MSH6: variants seen among roughly 807,000 people sequenced by gnomAD.
MSH6 encodes the protein mutS homolog 6.
In MSH6, 85 loss-of-function variants were observed where a neutral mutation model predicts 119.1. The ratio of observed to expected loss-of-function variants is 0.71; its 90% CI spans 0.60 to 0.85. The LOEUF (loss-of-function observed/expected upper bound fraction) is 0.85, where lower values mean the gene tolerates loss of function less well. MSH6 is among the 40% of genes least tolerant of loss of function. The pLI is 0.00. For missense variants in MSH6, 2,163 were observed against 1,655.3 expected, an observed-to-expected ratio of 1.31 and a Z score of -5.32; for synonymous variants, 830 against 586.9, an observed-to-expected ratio of 1.41 and a Z score of -5.99.
rs1669315424 is a variant in MSH6 at position 47,799,266 on chromosome 2, A to G, written c.1283A>G (p.Lys428Arg). ...AACTTTGATCTTGTCATCTGTTACA[A>G]GGTGGGGAAATTTTATGAGCTGTAC... ...SQNFDLVICY[K>R]VGKFYELYHM... The change falls in exon 4 of 10, where the codon AAG becomes AGG. Residue 428 changes from lysine to arginine, a missense_variant. Lys to Arg is a conservative substitution (Grantham distance 26, BLOSUM62 2). Transcript: ENST00000234420. The G allele has an allele frequency of 6.2e-7, 1 of 1,613,978 alleles. No homozygotes were observed.
intron 3 of MSH6, 63 bp downstream of exon 3, chr2:47,796,126 G>T (rs2104243663): frequency 6.4e-7 from 1 of 1,553,452 alleles, no homozygotes; most frequent in Non-Finnish European, 8.9e-7. Context: ...AAAGGGGGAG[G>T]GTGTATTAAC....
rs1469961964 is a variant in MSH6 at position 47,806,272 on chromosome 2, A to G, written c.3715A>G (p.Ile1239Val). ...AGTTGTTAAAGAACTTGCTGAGACTATAAAATGTCGTACATTATTTTCAAC... is the reference window on the plus strand; with the variant it reads ...AGTTGTTAAAGAACTTGCTGAGACTGTAAAATGTCGTACATTATTTTCAAC... ...NAVVKELAETIKCRTLFSTHY... is the reference protein window; with the variant it reads ...NAVVKELAETVKCRTLFSTHY... The change falls in exon 8 of 10, where the codon ATA becomes GTA. Residue 1239 changes from isoleucine (I) to valine (V), a missense_variant. Transcript: ENST00000234420. 1.9e-6 allele frequency: 3 copies of G among 1,614,112 alleles called. No homozygotes were observed. Among genetic ancestry groups the G allele is most frequent in the South Asian group, 2.2e-5 (2 of 91,084 alleles).
chr2:47,784,585 C>T (rs1668232233), intron 1 of MSH6: 1 of 152,120 alleles, frequency 6.6e-6, no homozygotes. Flanking sequence ...GCTTCAGCCT[C>T]CCGAGTAGTC....
Position 47,806,859 on chromosome 2 carries a change from A to AGACT in MSH6, c.*4_*7dup, listed in dbSNP as rs765313977. Reference sequence around the variant, plus strand: ...TTGCTGACTTTGATTAAGGAATTATAGACTGACTACATTGGAAGCTTTGAG... The same window carrying AGACT: ...TTGCTGACTTTGATTAAGGAATTATAGACTGACTGACTACATTGGAAGCTTTGAG... On this transcript the variant is annotated frameshift_variant and stop_retained_variant, in exon 10 of 10. Transcript: ENST00000234420. LOFTEE classifies it high-confidence loss of function. 2.6e-5 allele frequency: 42 copies of AGACT among 1,607,698 alleles called. 1 individual carries two copies. Among genetic ancestry groups the AGACT allele is most frequent in the South Asian group, 2.0e-4 (18 of 90,914 alleles).
Position 47,783,190 on chromosome 2 carries a change from G to C in MSH6, c.-44G>C. ...CCGCGCGGTAGATGCGGTGCTTTTA[G>C]GAGCTCCGTCCGACAGAACGGTTGG... On this transcript the variant is annotated 5_prime_UTR_variant, in exon 1 of 10. An upstream open reading frame in the 5' UTR loses its in-frame stop. Transcript: ENST00000234420. The C allele has an allele frequency of 6.2e-7, 1 of 1,607,804 alleles. No homozygotes were observed. Among genetic ancestry groups the C allele is most frequent in the South Asian group, 1.1e-5 (1 of 90,326 alleles).
rs761277966 is a variant in MSH6 at position 47,801,139 on chromosome 2, G to A, written c.3156G>A (p.Glu1052=). Residue 1052 remains glutamate, a synonymous_variant, in exon 4 of 10, where the codon GAG becomes GAA. Coordinates refer to ENST00000234420, the MANE Select transcript of MSH6 (RefSeq NM_000179.3). ...KNYKDWQSAV[E]CIAVLDVLLC... ...ACAAGGACTGGCAGTCTGCTGTAGA[G>A]TGTATCGCAGTGTTGGGTAAGACTT... 7 of 1,610,690 alleles carry A rather than the reference G, an allele frequency of 4.3e-6. No individual in the cohort carries two copies. The Admixed American group carries it at 5.0e-5, about 12-fold the overall frequency.
downstream of MSH6, chr2:47,809,221 C>A (rs766070642): frequency 6.2e-7 from 1 of 1,607,004 alleles, no homozygotes; most frequent in East Asian, 2.2e-5. Flanking sequence ...TTGGCCTCTA[C>A]TAACAGCCTT....
downstream of MSH6, chr2:47,807,847 G>T (rs1670330839): frequency 1.9e-5 from 6 of 315,894 alleles, no homozygotes; most frequent in Non-Finnish European, 3.5e-5. Context: ...TCAGAAGTTG[G>T]TATCTGTACA....
In MSH6 at chr2:47,787,801, G is replaced by C. The variant is rs1017970004; in HGVS notation, c.261-3126G>C. Among the ~76,000 whole-genome samples the C allele has an allele frequency of 1.4e-4, 21 of 152,114 alleles. 1 individual carries two copies. The highest frequency in any genetic ancestry group is 4.8e-4 in the African/African-American group (20 of 41,474). Reference sequence around the variant, plus strand: ...GCCTGGCTAATTTTTAAATTTTTTTGTAGAAACAAGGTCTCACTGTGTAGC... The same window carrying C: ...GCCTGGCTAATTTTTAAATTTTTTTCTAGAAACAAGGTCTCACTGTGTAGC... On this transcript the variant is annotated intron_variant, in intron 1 of 9. Transcript: ENST00000234420.
downstream of MSH6, chr2:47,809,302 G>T (rs200189874): frequency 7.5e-7 from 1 of 1,336,138 alleles, no homozygotes; most frequent in East Asian, 2.3e-5. Flanking sequence ...AAATTCAGAG[G>T]AATGTTAATA....
intron 1 of MSH6, among the ~76,000 whole-genome samples, chr2:47,787,096 C>T (rs1238500635): frequency 6.6e-6 from 1 of 152,176 alleles, no homozygotes; most frequent in Non-Finnish European, 1.5e-5. Flanking sequence ...GAGGCCAAGG[C>T]AGGCCAACAT....
intron 1 of MSH6, among the ~76,000 whole-genome samples, chr2:47,785,787 G>T (rs1237387386): frequency 6.6e-6 from 1 of 152,136 alleles, no homozygotes; most frequent in East Asian, 1.9e-4. Flanking sequence ...CAAACCAAAC[G>T]GGTGTATTTA....
chr2:47,805,651 C>T lies in MSH6; in HGVS notation c.3590C>T (p.Thr1197Ile), dbSNP rs1298129961. Residue 1197 changes from threonine to isoleucine, a missense_variant, in exon 7 of 10, where the codon ACT becomes ATT. By Grantham distance (89) the Thr-to-Ile change is moderately conservative. Transcript: ENST00000234420. ...ESTFFVELSE[T>I]ASILMHATAH... ...ACATTTTTTGTTGAATTAAGTGAAACTGCCAGCATACTCATGCATGCAACA... is the reference window on the plus strand; with the variant it reads ...ACATTTTTTGTTGAATTAAGTGAAATTGCCAGCATACTCATGCATGCAACA... 1 of 1,611,688 alleles carries T rather than the reference C, an allele frequency of 6.2e-7. No homozygotes were observed. Among genetic ancestry groups the T allele is most frequent in the Non-Finnish European group, 8.5e-7 (1 of 1,178,490 alleles).
chr2:47,804,657 G>GA (rs1406261499), intron 5 of MSH6, among the ~76,000 whole-genome samples: 3 of 152,136 alleles, frequency 2.0e-5, no homozygotes, highest in Non-Finnish European at 4.4e-5. Flanking sequence ...CCAGCGTTGA[G>GA]AATCACTAGG....
At chr2:47,804,835 G>A (rs768392898) in intron 5 of MSH6, 75 bp from the exon 6 acceptor site, 2 of 1,098,262 alleles carry the variant, frequency 1.8e-6, no homozygotes, top group Non-Finnish European at 1.4e-6. Flanking sequence ...CTTACGTAAG[G>A]GTTCATAAGA....
At chr2:47,788,935 T>G (rs1231899040) in intron 1 of MSH6, among the ~76,000 whole-genome samples, 71 of 96,548 alleles carry the variant, frequency 7.4e-4, no homozygotes, top group South Asian at 6.6e-3. Flanking sequence ...TTTTTTTTTT[T>G]TTTTTTTTTT....
chr2:47,809,768 A>AC, downstream of MSH6: 3 of 1,077,532 alleles, frequency 2.8e-6, no homozygotes, highest in South Asian at 3.9e-5. Context: ...AAAAACCTGA[A>AC]ATTAGCAAGC....
chr2:47,791,921 A>C (rs1359189365), intron 2 of MSH6, among the ~76,000 whole-genome samples: 1 of 151,774 alleles, frequency 6.6e-6, no homozygotes, highest in African/African-American at 2.4e-5. Flanking sequence ...ATCTCAGCTC[A>C]CTGCAACCGC....
intron 7 of MSH6, 33 bp from the exon 8 acceptor site, chr2:47,806,171 A>G (rs1359951053): frequency 1.2e-6 from 2 of 1,606,792 alleles, no homozygotes. Context: ...AATTCCTTTG[A>G]GTTACTTCCT....
Sources: allele counts gnomAD v4.1 joint callset (sites outside exome capture counted in the v4.1 genomes callset), GRCh38; gene constraint gnomAD v4.1.1; transcripts MANE v1.5; gene names NCBI Gene and HGNC (gene_info 2026-07-23, HGNC 2026-07-21).